IGF2BP1: variants seen among roughly 807,000 people sequenced by gnomAD.
IGF2BP1 encodes insulin-like growth factor 2 mRNA-binding protein 1.
In IGF2BP1, 11 loss-of-function variants were observed where a neutral mutation model predicts 74.9. That is an observed-to-expected ratio of 0.15 (90% CI 0.09 to 0.24). The LOEUF (loss-of-function observed/expected upper bound fraction) is 0.24. Among genes scored for constraint, IGF2BP1 ranks in the 10% least tolerant of loss-of-function variants. IGF2BP1 has a pLI of 1.00. For missense variants in IGF2BP1, 440 were observed against 757.4 expected (o/e 0.58, Z 4.92); for synonymous variants, 287 against 281.8 (o/e 1.02, Z -0.18).
At chr17:49,018,380 C>G (rs2041735460) in intron 2 of IGF2BP1, among the ~76,000 whole-genome samples, 1 of 152,158 alleles carries the variant, frequency 6.6e-6, no homozygotes, top group Non-Finnish European at 1.5e-5. Context: ...ATCCTGGGAA[C>G]CCCAAACTGG....
At chr17:48,999,294 C>G in intron 2 of IGF2BP1, 125 bp downstream of exon 2, 1 of 640,846 alleles carries the variant, frequency 1.6e-6, no homozygotes. Flanking sequence ...CCCCCAACTC[C>G]GGATGTTGGG....
At chr17:49,016,200 A>G (rs1372118075) in intron 2 of IGF2BP1, among the ~76,000 whole-genome samples, 2 of 152,232 alleles carry the variant, frequency 1.3e-5, no homozygotes, top group African/African-American at 4.8e-5. Context: ...TGCAGTGAGC[A>G]CAAGCAGCCT....
chr17:49,013,782 A>C (rs2041653947), intron 2 of IGF2BP1: 4 of 151,814 alleles, frequency 2.6e-5, no homozygotes, highest in Admixed American at 2.0e-4. Flanking sequence ...CCCCACCCCC[A>C]CCCCGCAGCC....
chr17:48,997,189 G>T (rs921390078), upstream of IGF2BP1, among the ~76,000 whole-genome samples: 1 of 152,048 alleles, frequency 6.6e-6, no homozygotes. This position sits in a 1 kb window ranked among gnomAD's most constrained non-coding sequence, Gnocchi z 4.8. Context: ...GGGGGAAGGG[G>T]CCTGTAGAGC....
rs769621595 is a variant in IGF2BP1 at position 49,038,310 on chromosome 17, C to A, written c.544C>A (p.Pro182Thr). 2.5e-6 allele frequency: 4 copies of A among 1,605,884 alleles called. No individual in the cohort carries two copies. The South Asian group carries it at 4.5e-5, about 18-fold the overall frequency. ...GSRGQPRQGS[P>T]VAAGAPAKQQ... ...TCGGGGTCAGCCCCGCCAGGGCTCA[C>A]CTGTGGCAGCGGGGGCCCCAGCCAA... The change falls in exon 6 of 15, where the codon CCT becomes ACT. Residue 182 changes from proline to threonine, a missense_variant. Physicochemically the swap from Pro to Thr is conservative, Grantham distance 38. Around this residue, in one of 5 missense-constraint regions of IGF2BP1, gnomAD observed 184 missense variants for 273.4 expected, o/e 0.67. Coordinates refer to ENST00000290341, the MANE Select transcript of IGF2BP1 (RefSeq NM_006546.4).
chr17:49,026,438 A>C (rs369604808), intron 3 of IGF2BP1, 28 bp from the exon 4 acceptor site: 12 of 1,610,468 alleles, frequency 7.5e-6, no homozygotes, highest in Non-Finnish European at 1.0e-5. Context: ...CTCAGAGTTA[A>C]GTGTACTTCC....
intron 2 of IGF2BP1, chr17:49,004,920 C>T (rs1359185052): frequency 6.6e-6 from 1 of 152,250 alleles, no homozygotes; most frequent in Non-Finnish European, 1.5e-5. Context: ...TACCACCTGA[C>T]ACACACCATC....
At chr17:48,998,841 C>T (rs370230261) in intron 1 of IGF2BP1, among the ~76,000 whole-genome samples, 1 of 152,182 alleles carries the variant, frequency 6.6e-6, no homozygotes, top group Non-Finnish European at 1.5e-5. Context: ...CGCACCTTTC[C>T]CAAATCGGGA....
intron 4 of IGF2BP1, 148 bp from the exon 5 acceptor site, chr17:49,031,762 A>G (rs1297772334): frequency 2.8e-6 from 2 of 721,300 alleles, no homozygotes; most frequent in African/African-American, 3.5e-5. Context: ...TCGCCCTCCC[A>G]AGATGCTAGG....
intron 5 of IGF2BP1, among the ~76,000 whole-genome samples, chr17:49,035,393 T>C (rs1406778768): frequency 6.6e-6 from 1 of 152,250 alleles, no homozygotes; most frequent in East Asian, 1.9e-4. Context: ...AGGTCTAGAC[T>C]AGGTTGTAAG....
Position 49,049,339 on chromosome 17 carries a change from GT to G in IGF2BP1, c.1642-11del. On this transcript the variant is annotated splice_polypyrimidine_tract_variant and intron_variant, in intron 14 of 14. Coordinates refer to ENST00000290341, the MANE Select transcript of IGF2BP1 (RefSeq NM_006546.4). ...AGGTCTCACACCCACTCTCTTGCCT[GT>G]TCTTGCTGCAGATGGCTCAACGGAA... is the stretch of plus-strand genomic sequence containing the variant. The G allele has an allele frequency of 6.2e-7, 1 of 1,613,584 alleles. No homozygotes were observed. The highest frequency in any genetic ancestry group is 1.1e-5 in the South Asian group (1 of 90,992).
chr17:49,010,201 T>C (rs917069107), intron 2 of IGF2BP1, among the ~76,000 whole-genome samples: 1 of 152,176 alleles, frequency 6.6e-6, no homozygotes, highest in African/African-American at 2.4e-5. Flanking sequence ...AAATAATAAC[T>C]TACCCATTCC....
chr17:49,044,413 A>G (rs534631839), intron 11 of IGF2BP1, among the ~76,000 whole-genome samples: 1 of 152,232 alleles, frequency 6.6e-6, no homozygotes, highest in African/African-American at 2.4e-5. Flanking sequence ...TCTGAGCCTC[A>G]CTTTCCTCGT....
At chr17:49,011,904 ATTTTT>A (rs68074534) in intron 2 of IGF2BP1, among the ~76,000 whole-genome samples, 3 of 124,630 alleles carry the variant, frequency 2.4e-5, no homozygotes, top group Non-Finnish European at 3.3e-5. Flanking sequence ...AAGAAAATTG[ATTTTT>A]TTTTTTTTTT....
chr17:48,999,457 T>C (rs2041458006), intron 2 of IGF2BP1, among the ~76,000 whole-genome samples: 1 of 152,128 alleles, frequency 6.6e-6, no homozygotes, highest in South Asian at 2.1e-4. Context: ...TTGTGGAGTT[T>C]GTTTGTTCAA....
At chr17:49,000,995 C>CT (rs1254313373) in intron 2 of IGF2BP1, among the ~76,000 whole-genome samples, 3 of 150,840 alleles carry the variant, frequency 2.0e-5, no homozygotes, top group African/African-American at 7.3e-5. Context: ...ATGTGTTCTC[C>CT]CCTTCCTGAA....
intron 2 of IGF2BP1, among the ~76,000 whole-genome samples, chr17:49,006,438 T>A (rs1222560826): frequency 6.6e-6 from 1 of 152,186 alleles, no homozygotes; most frequent in Non-Finnish European, 1.5e-5. Context: ...TCAATTTCCG[T>A]AACTGTAAAG....
At chr17:49,030,886 C>T (rs1303436510) in intron 4 of IGF2BP1, among the ~76,000 whole-genome samples, 3 of 152,072 alleles carry the variant, frequency 2.0e-5, no homozygotes, top group Non-Finnish European at 4.4e-5. Context: ...GCCTTGGCCT[C>T]CCAAAGTGCT....
chr17:49,039,864 A>G lies in IGF2BP1; in HGVS notation c.684-93A>G, dbSNP rs190915785. On this transcript the variant is annotated intron_variant, in intron 6 of 14. Coordinates refer to ENST00000290341, the MANE Select transcript of IGF2BP1 (RefSeq NM_006546.4). ...CCTTGTTTCAAGAAGAGCAGGTTCT[A>G]TGCCTTTGACTGAGGAGGGGTAGTG... is the stretch of plus-strand genomic sequence containing the variant. 951 of 1,364,740 alleles carry G rather than the reference A, an allele frequency of 7.0e-4. 12 individuals are homozygous for G. The highest frequency in any genetic ancestry group is 2.6e-4 in the Middle Eastern group (1 of 3,812). The allele number at this position is 1,364,740 out of a possible 1,614,324, so 84.5% of individuals were successfully genotyped here.
Sources: allele counts gnomAD v4.1 joint callset (sites outside exome capture counted in the v4.1 genomes callset), GRCh38; gene constraint gnomAD v4.1.1; regional missense constraint gnomAD v4.1.1; non-coding constraint Gnocchi (gnomAD v3.1); transcripts MANE v1.5; gene names NCBI Gene and HGNC (gene_info 2026-07-23, HGNC 2026-07-21).